Variants in SPIDR observed in about 807,000 individuals in gnomAD.
SPIDR encodes scaffold protein involved in DNA repair, also known as DNA repair-scaffolding protein.
Under a neutral mutation model 104.6 loss-of-function variants are expected in SPIDR, and 93 were observed. That is an observed-to-expected ratio of 0.89 (90% CI 0.75 to 1.06). The LOEUF (loss-of-function observed/expected upper bound fraction) is 1.06. Among genes scored for constraint, SPIDR ranks in the 50% least tolerant of loss-of-function variants. The pLI is 0.00. For synonymous variants in SPIDR, 431 were observed against 416.9 expected (o/e 1.03, Z -0.41); for missense variants, 1,154 against 1,111.2 (o/e 1.04, Z -0.55).
intron 1 of SPIDR, among the ~76,000 whole-genome samples, chr8:47,262,142 A>G (rs1417617512): frequency 2.0e-5 from 3 of 152,222 alleles, no homozygotes; most frequent in Non-Finnish European, 4.4e-5. Context: ...AGTTAACTAT[A>G]TAGATGACTT....
chr8:47,354,303 C>T (rs782273808), intron 5 of SPIDR, among the ~76,000 whole-genome samples: 1 of 151,318 alleles, frequency 6.6e-6, no homozygotes, highest in Non-Finnish European at 1.5e-5. Flanking sequence ...TTCCTTCACT[C>T]ATAGTTCTTC....
intron 10 of SPIDR, among the ~76,000 whole-genome samples, chr8:47,601,786 GT>G (rs1009671216): frequency 9.8e-5 from 15 of 152,328 alleles, no homozygotes; most frequent in Non-Finnish European, 1.9e-4. Context: ...AAGTGCAAGT[GT>G]TTTGCCCTGG....
At chr8:47,477,466 G>T (rs2076415991) in intron 8 of SPIDR, among the ~76,000 whole-genome samples, 1 of 152,200 alleles carries the variant, frequency 6.6e-6, no homozygotes. Context: ...AAAGTGCTGA[G>T]ATTACAGGCG....
intron 8 of SPIDR, among the ~76,000 whole-genome samples, chr8:47,479,707 T>C (rs374966884): frequency 6.6e-6 from 1 of 152,166 alleles, no homozygotes; most frequent in African/African-American, 2.4e-5. Context: ...AGGGAGGGGC[T>C]CAGGGCAACT....
intron 5 of SPIDR, among the ~76,000 whole-genome samples, chr8:47,313,199 C>A (rs1196174887): frequency 2.6e-5 from 4 of 152,146 alleles, no homozygotes; most frequent in Admixed American, 2.6e-4. Flanking sequence ...AGCTGATAAG[C>A]AACTTCAGCA....
chr8:47,320,119 G>T (rs2046258620), intron 5 of SPIDR, among the ~76,000 whole-genome samples: 3 of 152,140 alleles, frequency 2.0e-5, no homozygotes, highest in African/African-American at 7.2e-5. Context: ...GAAGGAAATA[G>T]AGACATAAAA....
chr8:47,365,273 C>T (rs1230201086), intron 5 of SPIDR, among the ~76,000 whole-genome samples: 1 of 152,182 alleles, frequency 6.6e-6, no homozygotes, highest in Admixed American at 6.5e-5. Context: ...ATGGAAGCCT[C>T]CTCACACCTG....
At chr8:47,654,270 C>A in intron 10 of SPIDR, 2 of 886,614 alleles carry the variant, frequency 2.3e-6, no homozygotes, top group Non-Finnish European at 3.2e-6. Flanking sequence ...CCTGCCTAAT[C>A]CATGTAGGTG....
rs71548440 is a variant in SPIDR at position 47,588,026 on chromosome 8, CATATATAT to C, written c.1098-7731_1098-7724del. ...CTTTCCTTGCAACTTTTAAAATTAGCATATATATATATATATATATATATATATATATA... is the reference window on the plus strand; with the variant it reads ...CTTTCCTTGCAACTTTTAAAATTAGCATATATATATATATATATATATATA... On this transcript the variant is annotated intron_variant, in intron 8 of 19. Coordinates refer to ENST00000297423, the MANE Select transcript of SPIDR (RefSeq NM_001080394.4). 3.4e-3 allele frequency among the ~76,000 whole-genome samples: 79 copies of C among 23,368 alleles called. 1 individual carries two copies. Among genetic ancestry groups the C allele is most frequent in the Non-Finnish European group, 4.1e-3 (26 of 6,352 alleles). The allele number at this position is 23,368 out of a possible 152,430, so 15.3% of individuals were successfully genotyped here.
chr8:47,313,247 A>G (rs1434428239), intron 5 of SPIDR, among the ~76,000 whole-genome samples: 5 of 152,190 alleles, frequency 3.3e-5, no homozygotes, highest in Non-Finnish European at 5.9e-5. Flanking sequence ...AAAAATCACA[A>G]GCATTCTTCT....
intron 8 of SPIDR, among the ~76,000 whole-genome samples, chr8:47,462,835 C>T (rs2074163736): frequency 6.6e-6 from 1 of 151,870 alleles, no homozygotes; most frequent in South Asian, 2.1e-4. Flanking sequence ...CTAGATTGAC[C>T]ACGAAAAAAC....
chr8:47,552,300 A>T (rs1404800518), intron 8 of SPIDR, among the ~76,000 whole-genome samples: 2 of 152,210 alleles, frequency 1.3e-5, no homozygotes, highest in East Asian at 3.8e-4. Flanking sequence ...CTAGGTGCAG[A>T]GCTGAGTTCA....
At chr8:47,532,747 AG>A (rs1034753418) in intron 8 of SPIDR, among the ~76,000 whole-genome samples, 1 of 152,250 alleles carries the variant, frequency 6.6e-6, no homozygotes, top group African/African-American at 2.4e-5. Context: ...AACTCAATAA[AG>A]GCATTGTTGA....
intron 10 of SPIDR, among the ~76,000 whole-genome samples, chr8:47,626,474 T>C (rs957459379): frequency 2.6e-5 from 4 of 152,098 alleles, no homozygotes; most frequent in Admixed American, 1.3e-4. Context: ...GGAGGAAATT[T>C]TCACAACCTA....
intron 5 of SPIDR, among the ~76,000 whole-genome samples, chr8:47,363,116 C>G (rs1001590777): frequency 6.6e-6 from 1 of 151,964 alleles, no homozygotes; most frequent in Non-Finnish European, 1.5e-5. Flanking sequence ...TCCACAGAGT[C>G]CCCTAGACGA....
At chr8:47,714,950 G>A (rs989904938) in intron 16 of SPIDR, among the ~76,000 whole-genome samples, 2 of 152,088 alleles carry the variant, frequency 1.3e-5, no homozygotes, top group East Asian at 3.9e-4. Flanking sequence ...ACTTTATTGA[G>A]CTATAACTCA....
intron 8 of SPIDR, among the ~76,000 whole-genome samples, chr8:47,594,042 G>T (rs1306298531): frequency 6.6e-6 from 1 of 151,832 alleles, no homozygotes; most frequent in Non-Finnish European, 1.5e-5. Context: ...CACAATGAGG[G>T]GAGTACTCGT....
At chr8:47,732,417 G>T in intron 19 of SPIDR, 1 of 562,078 alleles carries the variant, frequency 1.8e-6, no homozygotes, top group Non-Finnish European at 3.2e-6. Context: ...GTACATGTGT[G>T]TATGTGTGTG....
intron 7 of SPIDR, among the ~76,000 whole-genome samples, chr8:47,439,889 A>G (rs552073526): frequency 6.6e-6 from 1 of 152,208 alleles, no homozygotes; most frequent in Non-Finnish European, 1.5e-5. Context: ...CCAGCTAGTA[A>G]CATACATGAT....
Sources: gnomAD v4.1 joint callset for allele counts (sites outside exome capture counted in the v4.1 genomes callset) on GRCh38, gnomAD v4.1.1 for gene constraint, MANE v1.5 for transcripts, NCBI Gene and HGNC (gene_info 2026-07-23, HGNC 2026-07-21) for gene names.